Variants in RANBP10 observed in about 807,000 individuals in gnomAD.
The protein encoded by RANBP10 is ran-binding protein 10.
Under a neutral mutation model 72.8 loss-of-function variants are expected in RANBP10, and 24 were observed. The ratio of observed to expected loss-of-function variants is 0.33; its 90% CI spans 0.24 to 0.46. The LOEUF (loss-of-function observed/expected upper bound fraction) is 0.46. Ranked by LOEUF, RANBP10 falls within the 20% of genes least tolerant of loss-of-function variation. The pLI is 1.00. For synonymous variants in RANBP10, 310 were observed against 322.3 expected, an observed-to-expected ratio of 0.96 and a Z score of 0.41; for missense variants, 679 against 817.5, an observed-to-expected ratio of 0.83 and a Z score of 2.07.
chr16:67,805,472 G>T lies in RANBP10; in HGVS notation c.303C>A (p.Gly101=). 1.9e-6 allele frequency: 3 copies of T among 1,614,094 alleles called. No homozygotes were observed. The highest frequency in any genetic ancestry group is 2.5e-6 in the Non-Finnish European group (3 of 1,179,996). The change falls in exon 2 of 14, where the codon GGC becomes GGA. Residue 101 remains glycine, a synonymous_variant. Coordinates refer to ENST00000317506, the MANE Select transcript of RANBP10 (RefSeq NM_020850.3). ...CAATCTTCACTTCAAAGTAATAAAT[G>T]CCACAGGCAGCAGGTATGGGGTGGG... ...RATHPIPAAC[G]IYYFEVKIVS... is the part of the protein sequence containing the mutation.
At position 67,724,493 on chromosome 16, in the gene RANBP10, G is replaced by C. The variant is rs1224023707; in HGVS notation, c.*1935C>G. 1 of 152,220 alleles carries C rather than the reference G, an allele frequency of 6.6e-6. No homozygotes were observed. Among genetic ancestry groups the C allele is most frequent in the Non-Finnish European group, 1.5e-5 (1 of 68,042 alleles). 9.4% of individuals were successfully genotyped at this position (152,220 alleles called of 1,614,324 possible). A position where few individuals can be genotyped will look rare whatever the true frequency, so the allele number is the denominator to read the frequency against. On this transcript the variant is annotated 3_prime_UTR_variant, in exon 14 of 14. Transcript: ENST00000317506. ...AACAGCCTGATGTCTCCAACTTCTG[G>C]GTTTGGGAGCTAGGTAGCCCCAGGC...
At chr16:67,769,745 CAAAAAAAAAAAAAAAA>C (rs58319144) in intron 3 of RANBP10, among the ~76,000 whole-genome samples, 21 of 27,760 alleles carry the variant, frequency 7.6e-4, no homozygotes, top group Admixed American at 3.3e-3. Flanking sequence ...GACTCCGTCT[CAAAAAAAAAAAAAAAA>C]AAAAAAAAAA....
At chr16:67,802,326 C>T (rs1171814044) in intron 2 of RANBP10, among the ~76,000 whole-genome samples, 1 of 152,112 alleles carries the variant, frequency 6.6e-6, no homozygotes, top group Non-Finnish European at 1.5e-5. Context: ...GTATACATGA[C>T]CTGAGACCTT....
chr16:67,803,587 T>C (rs945783466), intron 2 of RANBP10, among the ~76,000 whole-genome samples: 2 of 141,272 alleles, frequency 1.4e-5, no homozygotes, highest in African/African-American at 2.7e-5. Flanking sequence ...GAGGCGGAGG[T>C]TGTGGTGAGC....
intron 2 of RANBP10, among the ~76,000 whole-genome samples, chr16:67,785,205 C>T (rs967081052): frequency 4.0e-5 from 6 of 149,758 alleles, no homozygotes; most frequent in East Asian, 3.9e-4. Context: ...GATCGAGAGT[C>T]GGTCTCAAAA....
chr16:67,723,529 C>T lies in RANBP10; in HGVS notation c.*2899G>A, dbSNP rs993006014. On this transcript the variant is annotated 3_prime_UTR_variant, in exon 14 of 14. Transcript: ENST00000317506. ...AAGGCGCTAGGTGGCCAGGCAGTCCCCACTTCTGTCTCGTGGTGTCCATTT... is the reference window on the plus strand; with the variant it reads ...AAGGCGCTAGGTGGCCAGGCAGTCCTCACTTCTGTCTCGTGGTGTCCATTT... 1 of 152,652 alleles carries T rather than the reference C, an allele frequency of 6.6e-6. No individual in the cohort carries two copies. The highest frequency in any genetic ancestry group is 2.4e-5 in the African/African-American group (1 of 41,456). The allele number at this position is 152,652 out of a possible 1,614,324, so 9.5% of individuals were successfully genotyped here. A position where few individuals can be genotyped will look rare whatever the true frequency, so the allele number is the denominator to read the frequency against.
intron 3 of RANBP10, among the ~76,000 whole-genome samples, chr16:67,765,175 G>C (rs1199309262): frequency 7.5e-6 from 1 of 132,954 alleles, no homozygotes; most frequent in South Asian, 2.5e-4. Flanking sequence ...ACTCCAACCT[G>C]GGTGACAGAG....
chr16:67,754,003 G>A (rs1346265182), intron 3 of RANBP10, among the ~76,000 whole-genome samples: 5 of 151,894 alleles, frequency 3.3e-5, no homozygotes, highest in African/African-American at 1.2e-4. Context: ...GCGTGGTGGC[G>A]GGCACCTGTA....
intron 4 of RANBP10, among the ~76,000 whole-genome samples, chr16:67,741,808 G>A (rs1026126444): frequency 2.0e-5 from 3 of 152,210 alleles, no homozygotes; most frequent in Admixed American, 6.5e-5. Flanking sequence ...GAGCAGGGAG[G>A]CCAGAGGCAG....
chr16:67,725,372 C>G lies in RANBP10; in HGVS notation c.*1056G>C, dbSNP rs886114319. Reference sequence around the variant, plus strand: ...GGTGAAGATCTAGGCAGGAAGAAAGCAGCCCCTGTACTCAAGGGCCTCTGT... The same window carrying G: ...GGTGAAGATCTAGGCAGGAAGAAAGGAGCCCCTGTACTCAAGGGCCTCTGT... On this transcript the variant is annotated 3_prime_UTR_variant, in exon 14 of 14. Transcript: ENST00000317506. 1 of 152,452 alleles carries G rather than the reference C, an allele frequency of 6.6e-6. No individual in the cohort carries two copies. Among genetic ancestry groups the G allele is most frequent in the African/African-American group, 2.4e-5 (1 of 41,446 alleles). The allele number at this position is 152,452 out of a possible 1,614,324, so 9.4% of individuals were successfully genotyped here.
intron 2 of RANBP10, among the ~76,000 whole-genome samples, chr16:67,774,057 T>C (rs2054652909): frequency 6.6e-6 from 1 of 152,234 alleles, no homozygotes; most frequent in Non-Finnish European, 1.5e-5. Context: ...TGGCAGAGGC[T>C]GCCAAAAGTC....
intron 2 of RANBP10, among the ~76,000 whole-genome samples, chr16:67,773,026 T>C (rs775824662): frequency 6.6e-6 from 1 of 152,336 alleles, no homozygotes; most frequent in Non-Finnish European, 1.5e-5. Context: ...GAGAAAGACA[T>C]GAAATTTGGG....
At chr16:67,747,184 C>T (rs914086474) in intron 3 of RANBP10, among the ~76,000 whole-genome samples, 1 of 152,112 alleles carries the variant, frequency 6.6e-6, no homozygotes, top group Admixed American at 6.5e-5. Flanking sequence ...TCAGTATTTA[C>T]TATTCTCAGT....
chr16:67,729,966 G>A lies in RANBP10; in HGVS notation c.970C>T (p.His324Tyr). The A allele has an allele frequency of 6.2e-7, 1 of 1,613,798 alleles. No individual in the cohort carries two copies. Among genetic ancestry groups the A allele is most frequent in the Non-Finnish European group, 8.5e-7 (1 of 1,180,028 alleles). ...AGCATGAAGAGGAGGTTGGGGTTGT[G>A]CTCCAGCAGCCCTGGGTAGAAGCGC... ...TQRFYPGLLE[H>Y]NPNLLFMLKC... is the part of the protein sequence containing the mutation. The change falls in exon 8 of 14, where the codon CAC becomes TAC. Residue 324 changes from histidine to tyrosine, a missense_variant. By Grantham distance (83) the His-to-Tyr change is moderately conservative (BLOSUM62 2). Transcript: ENST00000317506. This position sits in a 1 kb window ranked among gnomAD's most constrained non-coding sequence, Gnocchi z 7.1.
rs372832190 is a variant in RANBP10 at position 67,761,927 on chromosome 16, GA to G, written c.400+10106del. On this transcript the variant is annotated intron_variant, in intron 3 of 13. Coordinates refer to ENST00000317506, the MANE Select transcript of RANBP10 (RefSeq NM_020850.3). Reference sequence around the variant, plus strand: ...ATATAGGTACTTCCTTCTTCAGGTAGAAAAAAAAAACACACACCTTTTCCCA... The same window carrying G: ...ATATAGGTACTTCCTTCTTCAGGTAGAAAAAAAAACACACACCTTTTCCCA... 4.1e-3 allele frequency among the ~76,000 whole-genome samples: 604 copies of G among 148,078 alleles called. 6 individuals carry two copies. Among genetic ancestry groups the G allele is most frequent in the African/African-American group, 0.014 (548 of 40,472 alleles).
Position 67,760,454 on chromosome 16 carries a change from A to G in RANBP10, c.400+11580T>C, listed in dbSNP as rs8060751. On this transcript the variant is annotated intron_variant, in intron 3 of 13. Transcript: ENST00000317506. ...GCAGAAGCAGCTTCCTGTTGGGCCT[A>G]TGCCTCTAACAGCTCACTCAGAGCA... is the stretch of plus-strand genomic sequence containing the variant. 7.1e-3 allele frequency among the ~76,000 whole-genome samples: 1,088 copies of G among 152,284 alleles called. 14 individuals carry two copies. Among genetic ancestry groups the G allele is most frequent in the African/African-American group, 0.025 (1,035 of 41,566 alleles).
intron 2 of RANBP10, among the ~76,000 whole-genome samples, chr16:67,773,047 A>T (rs1022667641): frequency 6.6e-6 from 1 of 152,226 alleles, no homozygotes; most frequent in African/African-American, 2.4e-5. Flanking sequence ...GGGCCAGGGT[A>T]GAATGATATG....
chr16:67,789,822 G>A (rs2054990425), intron 2 of RANBP10, among the ~76,000 whole-genome samples: 1 of 151,786 alleles, frequency 6.6e-6, no homozygotes, highest in Admixed American at 6.6e-5. Context: ...AAATGGACTG[G>A]GCGCAGTGGC....
intron 2 of RANBP10, among the ~76,000 whole-genome samples, chr16:67,787,718 T>A (rs913765564): frequency 6.6e-6 from 1 of 152,186 alleles, no homozygotes; most frequent in Non-Finnish European, 1.5e-5. Flanking sequence ...AATGAAGTTC[T>A]AGGCTGGGTA....
Sources: allele counts gnomAD v4.1 joint callset (sites outside exome capture counted in the v4.1 genomes callset), GRCh38; gene constraint gnomAD v4.1.1; non-coding constraint Gnocchi (gnomAD v3.1); transcripts MANE v1.5; gene names NCBI Gene and HGNC (gene_info 2026-07-23, HGNC 2026-07-21).